Variants in CDK14 observed in about 807,000 individuals in gnomAD.
The protein encoded by CDK14 is cyclin dependent kinase 14, also known as cyclin-dependent kinase 14.
Under a neutral mutation model 60.7 loss-of-function variants are expected in CDK14, and 34 were observed. That is an observed-to-expected ratio of 0.56 (90% CI 0.43 to 0.75). CDK14 has a LOEUF of 0.75. CDK14 is among the 30% of genes least tolerant of loss of function. The pLI, the probability that CDK14 is intolerant of heterozygous loss-of-function variation, is 0.00. For synonymous variants in CDK14, 197 were observed against 203.7 expected, an observed-to-expected ratio of 0.97 and a Z score of 0.28; for missense variants, 482 against 564.1, an observed-to-expected ratio of 0.85 and a Z score of 1.47.
chr7:90,729,366 TTTTTTC>T (rs1473202015), intron 3 of CDK14, among the ~76,000 whole-genome samples: 12 of 132,540 alleles, frequency 9.1e-5, no homozygotes, highest in Admixed American at 2.3e-4. Context: ...TTTTTTTTTT[TTTTTTC>T]CCCACTCATC....
At chr7:91,195,680 T>A (rs1409340730) in intron 14 of CDK14, among the ~76,000 whole-genome samples, 1 of 152,236 alleles carries the variant, frequency 6.6e-6, no homozygotes, top group Non-Finnish European at 1.5e-5. Flanking sequence ...TTATCTGATT[T>A]GATGGCATCC....
chr7:91,027,207 A>T (rs1165526928), intron 10 of CDK14, among the ~76,000 whole-genome samples: 4 of 152,250 alleles, frequency 2.6e-5, no homozygotes, highest in Non-Finnish European at 5.9e-5. Flanking sequence ...ATTAAAGTAT[A>T]ACATGTAGTT....
intron 13 of CDK14, 67 bp from the exon 14 acceptor site, chr7:91,117,998 T>TA: frequency 2.2e-6 from 2 of 914,284 alleles, no homozygotes; most frequent in Non-Finnish European, 1.7e-6. Context: ...CTCCATTTTT[T>TA]TAAAAAAAAA....
In CDK14 at chr7:90,714,912, G is replaced by A. The variant is rs368946962; in HGVS notation, c.124-11655G>A. Among the ~76,000 whole-genome samples, 31 of 151,966 alleles carry A rather than the reference G, an allele frequency of 2.0e-4. No individual in the cohort carries two copies. The East Asian group carries it at 4.5e-3, about 22-fold the overall frequency. ...TTGTATTTATATAGCCATCTGTTTC[G>A]GAGTAAGAAGATAGTACACAATTTT... On this transcript the variant is annotated intron_variant, in intron 2 of 14. Transcript: ENST00000380050.
Position 90,596,649 on chromosome 7 carries a change from C to CA in CDK14, c.23dup (p.Pro9AlafsTer28). 6.2e-7 allele frequency: 1 copy of CA among 1,612,256 alleles called. No homozygotes were observed. On this transcript the variant is annotated frameshift_variant, in exon 1 of 15. Coordinates refer to ENST00000380050, the MANE Select transcript of CDK14 (RefSeq NM_001287135.2). LOFTEE classifies it high-confidence loss of function. ...CCAGATGTGTGACCTCATTGAGCCG[C>CA]AGCCGGCCGAGAAGATCGGCAAGAT...
At chr7:91,040,438 A>G (rs1327301282) in intron 10 of CDK14, among the ~76,000 whole-genome samples, 1 of 152,208 alleles carries the variant, frequency 6.6e-6, no homozygotes, top group East Asian at 1.9e-4. Context: ...TCCAGATCCG[A>G]AAGTAGTACA....
At chr7:90,702,157 A>G (rs192396263) in intron 2 of CDK14, among the ~76,000 whole-genome samples, 1 of 152,310 alleles carries the variant, frequency 6.6e-6, no homozygotes, top group East Asian at 1.9e-4. Context: ...TGTGCTGGCC[A>G]TTCCAAACAA....
intron 3 of CDK14, among the ~76,000 whole-genome samples, chr7:90,736,932 T>C (rs1373206520): frequency 6.6e-6 from 1 of 152,176 alleles, no homozygotes; most frequent in African/African-American, 2.4e-5. Context: ...AACTGGCTGA[T>C]TGGTTTTTTT....
At chr7:90,642,594 G>C (rs1012832825) in intron 2 of CDK14, among the ~76,000 whole-genome samples, 3 of 152,034 alleles carry the variant, frequency 2.0e-5, no homozygotes, top group African/African-American at 7.2e-5. Flanking sequence ...TGGCCAGGCT[G>C]ATATCAAACT....
intron 3 of CDK14, among the ~76,000 whole-genome samples, chr7:90,731,088 A>C (rs905785976): frequency 1.3e-5 from 2 of 151,272 alleles, no homozygotes; most frequent in East Asian, 3.8e-4. Flanking sequence ...CAGTTTTCCC[A>C]ACACTATTTA....
chr7:91,086,551 C>T (rs953056644), intron 12 of CDK14, among the ~76,000 whole-genome samples: 3 of 152,126 alleles, frequency 2.0e-5, no homozygotes, highest in African/African-American at 7.2e-5. Flanking sequence ...ACCGTAAAGG[C>T]TCAGCTTCCT....
At chr7:90,744,186 C>G (rs999101985) in intron 3 of CDK14, among the ~76,000 whole-genome samples, 4 of 152,134 alleles carry the variant, frequency 2.6e-5, no homozygotes, top group Non-Finnish European at 5.9e-5. Flanking sequence ...TCCCTGGGTA[C>G]TTAAGATTAG....
chr7:90,943,713 A>C (rs1371864836), intron 8 of CDK14, among the ~76,000 whole-genome samples: 1 of 152,164 alleles, frequency 6.6e-6, no homozygotes, highest in Non-Finnish European at 1.5e-5. Flanking sequence ...GGGGATCTTG[A>C]GCTTTAACGT....
chr7:90,910,157 A>T (rs1415620327), intron 7 of CDK14, among the ~76,000 whole-genome samples: 1 of 152,166 alleles, frequency 6.6e-6, no homozygotes, highest in Non-Finnish European at 1.5e-5. Context: ...CTAGGGTTTT[A>T]TTTCTCTTTT....
intron 2 of CDK14, chr7:90,709,531 C>T (rs200545348): frequency 1.2e-6 from 2 of 1,612,456 alleles, no homozygotes; most frequent in Non-Finnish European, 8.5e-7. Flanking sequence ...TGTGAATTGC[C>T]TTGACAGCAT....
rs147228643 is a variant in CDK14 at position 91,209,139 on chromosome 7, G to A, written c.*2003G>A. The A allele has an allele frequency of 4.6e-4, 70 of 152,520 alleles. No homozygotes were observed. The East Asian group carries it at 5.8e-3, about 13-fold the overall frequency. 9.4% of individuals were successfully genotyped at this position (152,520 alleles called of 1,614,324 possible). A position where few individuals can be genotyped will look rare whatever the true frequency, so the allele number is the denominator to read the frequency against. Reference sequence around the variant, plus strand: ...GTATTTCACTAAGTTTAAAGCAAGAGCAACTGATGATTAAATGTTGCTTTT... The same window carrying A: ...GTATTTCACTAAGTTTAAAGCAAGAACAACTGATGATTAAATGTTGCTTTT... On this transcript the variant is annotated 3_prime_UTR_variant, in exon 15 of 15. Transcript: ENST00000380050.
chr7:90,652,836 G>T (rs1251596247), intron 2 of CDK14, among the ~76,000 whole-genome samples: 1 of 152,184 alleles, frequency 6.6e-6, no homozygotes, highest in Non-Finnish European at 1.5e-5. Flanking sequence ...CGGAAGTTAG[G>T]ATTTAAACCT....
chr7:90,763,528 G>A (rs528247718), intron 4 of CDK14, among the ~76,000 whole-genome samples: 1 of 152,222 alleles, frequency 6.6e-6, no homozygotes, highest in African/African-American at 2.4e-5. Context: ...TCTCATCTTT[G>A]TACACAGTTC....
At chr7:90,807,129 C>G (rs1323521381) in intron 5 of CDK14, among the ~76,000 whole-genome samples, 1 of 152,126 alleles carries the variant, frequency 6.6e-6, no homozygotes. Flanking sequence ...GTGGTTCTCC[C>G]AGCACGCAGC....
Sources: gnomAD v4.1 joint callset for allele counts (sites outside exome capture counted in the v4.1 genomes callset) on GRCh38, gnomAD v4.1.1 for gene constraint, MANE v1.5 for transcripts, NCBI Gene and HGNC (gene_info 2026-07-23, HGNC 2026-07-21) for gene names.